The following FMN2 variants were observed in gnomAD, a reference collection of about 807,000 sequenced individuals.
The protein encoded by FMN2 is formin-2.
FMN2 carries 51 observed loss-of-function variants against 142.3 expected under a neutral mutation model. The ratio of observed to expected loss-of-function variants is 0.36; its 90% confidence interval spans 0.29 to 0.45. The LOEUF (loss-of-function observed/expected upper bound fraction) is 0.45. Among genes scored for constraint, FMN2 ranks in the 20% least tolerant of loss-of-function variants. FMN2 has a pLI of 1.00. For missense variants in FMN2, 1,936 were observed against 2,122.8 expected (o/e 0.91, Z 1.73); for synonymous variants, 882 against 869.8 (o/e 1.01, Z -0.25).
At chr1:240,172,199 CAT>C (rs1348667331) in intron 2 of FMN2, among the ~76,000 whole-genome samples, 2 of 145,632 alleles carry the variant, frequency 1.4e-5, no homozygotes, top group African/African-American at 5.5e-5. Context: ...TACACATACA[CAT>C]ACACACACAC....
intron 2 of FMN2, among the ~76,000 whole-genome samples, chr1:240,130,804 T>C (rs1012884981): frequency 1.3e-5 from 2 of 152,152 alleles, no homozygotes; most frequent in African/African-American, 4.8e-5. Flanking sequence ...TTTCAGCTCA[T>C]TCTTGCCATT....
At chr1:240,392,005 C>G (rs1051949461) in intron 14 of FMN2, among the ~76,000 whole-genome samples, 1 of 152,026 alleles carries the variant, frequency 6.6e-6, no homozygotes, top group Non-Finnish European at 1.5e-5. Flanking sequence ...CACATTCCCC[C>G]TTTTCAGAAC....
At chr1:240,209,218 G>A (rs1479882217) in intron 5 of FMN2, among the ~76,000 whole-genome samples, 1 of 151,068 alleles carries the variant, frequency 6.6e-6, no homozygotes, top group Non-Finnish European at 1.5e-5. Context: ...CTGACAAACA[G>A]CTTAAAAATG....
chr1:240,230,323 T>A (rs1667492526), intron 6 of FMN2, among the ~76,000 whole-genome samples: 1 of 87,808 alleles, frequency 1.1e-5, no homozygotes, highest in Admixed American at 9.0e-5. Context: ...TCAGACCCTG[T>A]CTGAAAAACA....
chr1:240,352,488 A>T (rs992747597), intron 13 of FMN2, among the ~76,000 whole-genome samples: 2 of 152,178 alleles, frequency 1.3e-5, no homozygotes, highest in African/African-American at 4.8e-5. Flanking sequence ...AGGCCAAGGC[A>T]CAAGAATCGC....
chr1:240,273,987 A>T (rs1383058147), intron 7 of FMN2, among the ~76,000 whole-genome samples: 1 of 152,122 alleles, frequency 6.6e-6, no homozygotes, highest in Non-Finnish European at 1.5e-5. Context: ...ACAAAGAAAG[A>T]TGCCAGCATT....
chr1:240,408,709 TATTC>T (rs1365706554), intron 15 of FMN2, among the ~76,000 whole-genome samples: 1 of 152,200 alleles, frequency 6.6e-6, no homozygotes, highest in African/African-American at 2.4e-5. Flanking sequence ...ATTTTTTTAA[TATTC>T]AATCTATGAA....
Position 240,296,438 on chromosome 1 carries a change from C to CTTTT in FMN2, c.4215+1576_4215+1579dup, listed in dbSNP as rs772711130. On this transcript the variant is annotated intron_variant, in intron 8 of 17. Coordinates refer to ENST00000319653, the MANE Select transcript of FMN2 (RefSeq NM_020066.5). Reference sequence around the variant, plus strand: ...ATTTTGGGTCTAATATCTTTGAGTGCTTTTTTTTTTTTTTTTTTTTTTTTA... The same window carrying CTTTT: ...ATTTTGGGTCTAATATCTTTGAGTGCTTTTTTTTTTTTTTTTTTTTTTTTTTTTA... Among the ~76,000 whole-genome samples the CTTTT allele has an allele frequency of 6.2e-3, 292 of 46,782 alleles. 7 individuals are homozygous for CTTTT. Among genetic ancestry groups the CTTTT allele is most frequent in the African/African-American group, 0.017 (170 of 10,062 alleles). The allele number at this position is 46,782 out of a possible 152,430, so 30.7% of individuals were successfully genotyped here. A position where few individuals can be genotyped will look rare whatever the true frequency, so the allele number is the denominator to read the frequency against.
intron 14 of FMN2, among the ~76,000 whole-genome samples, chr1:240,357,648 A>G (rs9659758): frequency 0.61 from 90,149 of 148,098 alleles, 29,175 homozygotes; most frequent in African/African-American, 0.86. Context: ...TCGCACTGTT[A>G]CCGGGCTGAT....
At chr1:240,433,554 TC>T (rs1386991977) in intron 15 of FMN2, among the ~76,000 whole-genome samples, 1 of 152,220 alleles carries the variant, frequency 6.6e-6, no homozygotes, top group Non-Finnish European at 1.5e-5. Flanking sequence ...AAGGGAGTTT[TC>T]TCTTGGGTCA....
intron 2 of FMN2, among the ~76,000 whole-genome samples, chr1:240,137,001 C>T (rs963488836): frequency 7.8e-5 from 11 of 140,552 alleles, no homozygotes; most frequent in East Asian, 2.2e-4. Flanking sequence ...ACCCAAGAGG[C>T]GGACATTGCA....
intron 15 of FMN2, among the ~76,000 whole-genome samples, chr1:240,401,909 T>C (rs1674005968): frequency 6.6e-6 from 1 of 152,184 alleles, no homozygotes; most frequent in African/African-American, 2.4e-5. Context: ...TTCCCGGGCC[T>C]CCACTTCGTC....
chr1:240,126,408 C>G lies in FMN2; in HGVS notation c.1782+3063C>G, dbSNP rs116174884. ...CCTTCCCTGATGGGTTCCTCTCCCCCACCTCCTTATCCTCTCCGTTCTCAT... is the reference window on the plus strand; with the variant it reads ...CCTTCCCTGATGGGTTCCTCTCCCCGACCTCCTTATCCTCTCCGTTCTCAT... On this transcript the variant is annotated intron_variant, in intron 2 of 17. Transcript: ENST00000319653. Among the ~76,000 whole-genome samples, 781 of 151,456 alleles carry G rather than the reference C, an allele frequency of 5.2e-3. 6 individuals carry two copies. The highest frequency in any genetic ancestry group is 0.018 in the African/African-American group (736 of 41,134).
intron 14 of FMN2, among the ~76,000 whole-genome samples, chr1:240,377,403 A>G (rs1438458680): frequency 6.6e-6 from 1 of 151,810 alleles, no homozygotes; most frequent in Admixed American, 6.6e-5. Flanking sequence ...GTTTTCCGTT[A>G]GTGCTGTAAC....
At chr1:240,195,201 C>T (rs961504980) in intron 4 of FMN2, among the ~76,000 whole-genome samples, 2 of 152,138 alleles carry the variant, frequency 1.3e-5, no homozygotes, top group South Asian at 4.1e-4. Context: ...ATCACAAACA[C>T]GCTCCAAGTG....
intron 2 of FMN2, among the ~76,000 whole-genome samples, chr1:240,155,303 C>G (rs1663975894): frequency 6.6e-6 from 1 of 151,906 alleles, no homozygotes; most frequent in Non-Finnish European, 1.5e-5. Flanking sequence ...TTTTTTTAAC[C>G]AATCTCATTC....
chr1:240,462,311 G>T (rs1480468189), intron 16 of FMN2, among the ~76,000 whole-genome samples: 7 of 152,116 alleles, frequency 4.6e-5, no homozygotes, highest in Admixed American at 2.0e-4. Context: ...GAAGACATTA[G>T]TTCTTCTATA....
At chr1:240,144,513 C>T in intron 2 of FMN2, 1 of 1,506,208 alleles carries the variant, frequency 6.6e-7, no homozygotes, top group South Asian at 1.1e-5. Context: ...TTCTGTACTA[C>T]CACATCCTCG....
intron 2 of FMN2, among the ~76,000 whole-genome samples, chr1:240,175,224 C>A (rs1384331629): frequency 6.6e-6 from 1 of 152,116 alleles, no homozygotes; most frequent in Non-Finnish European, 1.5e-5. Flanking sequence ...TTTATCTGTT[C>A]ATTCATGGAT....
Sources: gnomAD v4.1 joint callset for allele counts (sites outside exome capture counted in the v4.1 genomes callset) on GRCh38, gnomAD v4.1.1 for gene constraint, MANE v1.5 for transcripts, NCBI Gene and HGNC (gene_info 2026-07-23, HGNC 2026-07-21) for gene names.